FHIT: variants seen among roughly 807,000 people sequenced by gnomAD.
The protein encoded by FHIT is fragile histidine triad diadenosine triphosphatase.
In FHIT, 19 loss-of-function variants were observed where a neutral mutation model predicts 17.9. That is an observed-to-expected ratio of 1.06 (90% CI 0.74 to 1.56). The LOEUF is 1.56. Among genes scored for constraint, FHIT ranks in the 40% most tolerant of loss-of-function variants. FHIT has a pLI of 0.00. For missense variants in FHIT, 248 were observed against 189.2 expected, an observed-to-expected ratio of 1.31 and a Z score of -1.82; for synonymous variants, 81 against 69.7, an observed-to-expected ratio of 1.16 and a Z score of -0.81.
At chr3:59,904,708 G>T (rs2107102380) in intron 8 of FHIT, among the ~76,000 whole-genome samples, 1 of 152,278 alleles carries the variant, frequency 6.6e-6, no homozygotes, top group Non-Finnish European at 1.5e-5. Context: ...ACTGGACATT[G>T]AAGGGTGAGG....
At chr3:60,205,195 G>T (rs759872599) in intron 5 of FHIT, among the ~76,000 whole-genome samples, 21 of 151,942 alleles carry the variant, frequency 1.4e-4, no homozygotes, top group Non-Finnish European at 2.8e-4. Flanking sequence ...TTAAAATTAT[G>T]TTACCGCCAC....
rs199538585 is a variant in FHIT at position 60,861,003 on chromosome 3, A to ATG, written c.-110-38993_-110-38992insCA. The stretch of plus-strand genomic sequence containing the variant: ...ATGATACATATATACGTATATATCC[A>ATG]TATATATGATACATATATACGTATA... On this transcript the variant is annotated intron_variant, in intron 3 of 9. Transcript: ENST00000492590. 3.1e-4 allele frequency among the ~76,000 whole-genome samples: 27 copies of ATG among 88,068 alleles called. 4 individuals are homozygous for ATG. Among genetic ancestry groups the ATG allele is most frequent in the African/African-American group, 6.6e-4 (16 of 24,226 alleles). The allele number at this position is 88,068 out of a possible 152,430, so 57.8% of individuals were successfully genotyped here.
In FHIT at chr3:60,234,843, T is replaced by C. The variant is rs569454081; in HGVS notation, c.104-220691A>G. Among the ~76,000 whole-genome samples, 6 of 152,278 alleles carry C rather than the reference T, an allele frequency of 3.9e-5. No individual in the cohort carries two copies. In the East Asian group the frequency reaches 7.7e-4, roughly 20 times the overall value. On this transcript the variant is annotated intron_variant, in intron 5 of 9. Transcript: ENST00000492590. ...AGGAGAAACACAGAAGTATTAGTGA[T>C]AGGACACTGACTGGTAGACTTTAAT...
chr3:60,899,620 C>T (rs1388155467), intron 3 of FHIT, among the ~76,000 whole-genome samples: 9 of 152,180 alleles, frequency 5.9e-5, no homozygotes, highest in African/African-American at 7.2e-5. Flanking sequence ...GCTCTTGTCA[C>T]ATCCAACAGT....
chr3:60,821,861 A>G (rs1701941359), intron 4 of FHIT, 58 bp downstream of exon 4: 1 of 152,142 alleles, frequency 6.6e-6, no homozygotes, highest in African/African-American at 2.4e-5. Context: ...AAGGATACTC[A>G]CAGCAGGTCA....
At chr3:59,981,107 A>T (rs951153383) in intron 7 of FHIT, among the ~76,000 whole-genome samples, 1 of 152,174 alleles carries the variant, frequency 6.6e-6, no homozygotes, top group Non-Finnish European at 1.5e-5. Context: ...CACTGGGTCC[A>T]TGGAGAAATA....
intron 7 of FHIT, among the ~76,000 whole-genome samples, chr3:59,973,286 T>C (rs1485170867): frequency 1.3e-5 from 2 of 152,096 alleles, no homozygotes; most frequent in African/African-American, 2.4e-5. Context: ...TTTCCTACCA[T>C]ATTAAAAATA....
intron 5 of FHIT, among the ~76,000 whole-genome samples, chr3:60,349,042 T>A (rs1710943139): frequency 6.6e-6 from 1 of 152,202 alleles, no homozygotes; most frequent in Non-Finnish European, 1.5e-5. Flanking sequence ...CTACTTGACA[T>A]CCAACAGATT....
intron 3 of FHIT, among the ~76,000 whole-genome samples, chr3:60,922,508 C>A (rs1218460927): frequency 2.6e-5 from 4 of 152,098 alleles, no homozygotes; most frequent in African/African-American, 9.7e-5. Context: ...CTAGGAGGTA[C>A]CCACCTTCAG....
intron 5 of FHIT, among the ~76,000 whole-genome samples, chr3:60,035,762 C>G (rs914085870): frequency 7.0e-4 from 107 of 152,290 alleles, no homozygotes; most frequent in African/African-American, 2.5e-3. Context: ...CTTCAAGGTT[C>G]CAACCAAAAT....
At chr3:60,147,701 A>T (rs1475753068) in intron 5 of FHIT, among the ~76,000 whole-genome samples, 2 of 152,172 alleles carry the variant, frequency 1.3e-5, no homozygotes, top group Non-Finnish European at 2.9e-5. Context: ...TTTCCCCCTA[A>T]GAATAAAGGA....
intron 1 of FHIT, among the ~76,000 whole-genome samples, chr3:61,233,683 T>C (rs1298313886): frequency 6.6e-6 from 1 of 152,348 alleles, no homozygotes; most frequent in East Asian, 1.9e-4. Flanking sequence ...AATGAACATA[T>C]ATTATTTCTG....
chr3:60,537,259 C>A (rs1003403122), intron 4 of FHIT, among the ~76,000 whole-genome samples: 1 of 152,130 alleles, frequency 6.6e-6, no homozygotes, highest in Non-Finnish European at 1.5e-5. Flanking sequence ...TCCCTCTGCA[C>A]TTCACGGTGC....
chr3:60,734,415 T>G (rs1488452825), intron 4 of FHIT, among the ~76,000 whole-genome samples: 3 of 152,242 alleles, frequency 2.0e-5, no homozygotes, highest in African/African-American at 7.2e-5. Flanking sequence ...TTTATTGTTT[T>G]GAGACAGGGT....
At chr3:61,086,497 T>C (rs1213479787) in intron 2 of FHIT, among the ~76,000 whole-genome samples, 1 of 152,194 alleles carries the variant, frequency 6.6e-6, no homozygotes, top group African/African-American at 2.4e-5. Flanking sequence ...CCAAAATCTC[T>C]TCCCCATCTC....
At chr3:60,218,547 A>C (rs1309827855) in intron 5 of FHIT, among the ~76,000 whole-genome samples, 2 of 152,168 alleles carry the variant, frequency 1.3e-5, no homozygotes, top group East Asian at 1.9e-4. Context: ...TATGGCCTTT[A>C]AACTTTCAAG....
chr3:60,133,996 A>G (rs1160517724), intron 5 of FHIT, among the ~76,000 whole-genome samples: 2 of 152,036 alleles, frequency 1.3e-5, no homozygotes, highest in African/African-American at 4.8e-5. Flanking sequence ...TCTTACATTA[A>G]CTGTTTGTTA....
intron 2 of FHIT, among the ~76,000 whole-genome samples, chr3:61,102,922 C>T (rs1213955300): frequency 6.6e-6 from 1 of 152,020 alleles, no homozygotes; most frequent in Non-Finnish European, 1.5e-5. Context: ...TTTTTTATTG[C>T]ATCTATTTGA....
Position 60,642,254 on chromosome 3 carries a change from C to T in FHIT, c.-17-105275G>A, listed in dbSNP as rs575442902. The stretch of plus-strand genomic sequence containing the variant: ...AAGGTCGCCTAATAGGCTAGGAAGG[C>T]GGGGGATGGAGAATTACCAGCACAT... On this transcript the variant is annotated intron_variant, in intron 4 of 9. Transcript: ENST00000492590. 5.3e-5 allele frequency among the ~76,000 whole-genome samples: 8 copies of T among 152,262 alleles called. No individual in the cohort carries two copies. In the East Asian group the frequency reaches 5.8e-4, roughly 11 times the overall value.
Sources: allele counts gnomAD v4.1 joint callset (sites outside exome capture counted in the v4.1 genomes callset), GRCh38; gene constraint gnomAD v4.1.1; transcripts MANE v1.5; gene names NCBI Gene and HGNC (gene_info 2026-07-23, HGNC 2026-07-21).